Variants in UNC5D observed in about 807,000 individuals in gnomAD.
UNC5D encodes the protein netrin receptor UNC5D.
In UNC5D, 39 loss-of-function variants were observed where a neutral mutation model predicts 105.4. The ratio of observed to expected loss-of-function variants is 0.37; its 90% CI spans 0.29 to 0.48. The LOEUF (loss-of-function observed/expected upper bound fraction) is 0.48. Among genes scored for constraint, UNC5D ranks in the 20% least tolerant of loss-of-function variants. The pLI, the probability that UNC5D is intolerant of heterozygous loss-of-function variation, is 0.98. For synonymous variants in UNC5D, 452 were observed against 450.4 expected, an observed-to-expected ratio of 1.00 and a Z score of -0.04; for missense variants, 991 against 1,202.4, an observed-to-expected ratio of 0.82 and a Z score of 2.60.
At chr8:35,732,550 C>A (rs926237299) in intron 11 of UNC5D, among the ~76,000 whole-genome samples, 1 of 152,112 alleles carries the variant, frequency 6.6e-6, no homozygotes. Flanking sequence ...ATGGAAGTCA[C>A]CCCTTTTTTA....
intron 1 of UNC5D, among the ~76,000 whole-genome samples, chr8:35,534,434 T>G (rs1391243063): frequency 6.6e-6 from 1 of 152,014 alleles, no homozygotes; most frequent in Non-Finnish European, 1.5e-5. Flanking sequence ...TAATGTGACA[T>G]CCACTATAAA....
rs1802404173 is a variant in UNC5D, at chr8:35,235,598, C to T, written c.-187C>T. On this transcript the variant is annotated 5_prime_UTR_variant, in exon 1 of 17. Transcript: ENST00000404895. ...CCGTGGGAAGCTATGGGGACGCGCCCTTTCTCGGGGTGCCCATTCAGCGGC... is the reference window on the plus strand; with the variant it reads ...CCGTGGGAAGCTATGGGGACGCGCCTTTTCTCGGGGTGCCCATTCAGCGGC... 4.7e-6 allele frequency: 2 copies of T among 421,406 alleles called. No homozygotes were observed. The highest frequency in any genetic ancestry group is 4.1e-5 in the African/African-American group (2 of 48,662). The allele number at this position is 421,406 out of a possible 1,614,324, so 26.1% of individuals were successfully genotyped here.
chr8:35,246,934 A>G (rs530715509), intron 1 of UNC5D, among the ~76,000 whole-genome samples: 1 of 152,148 alleles, frequency 6.6e-6, no homozygotes, highest in African/African-American at 2.4e-5. Flanking sequence ...AAAAACAATC[A>G]TAAAATTACA....
chr8:35,786,596 G>A (rs556599920), intron 16 of UNC5D, among the ~76,000 whole-genome samples: 4 of 152,198 alleles, frequency 2.6e-5, no homozygotes, highest in African/African-American at 9.6e-5. Context: ...CTGTTATTGC[G>A]TTTTTATGCC....
chr8:35,613,270 T>C (rs1179762714), intron 4 of UNC5D, among the ~76,000 whole-genome samples: 1 of 152,164 alleles, frequency 6.6e-6, no homozygotes, highest in Non-Finnish European at 1.5e-5. Flanking sequence ...AGGTGAGGTT[T>C]TGTCATGTTG....
intron 1 of UNC5D, among the ~76,000 whole-genome samples, chr8:35,338,325 C>G (rs914325331): frequency 6.6e-6 from 1 of 151,932 alleles, no homozygotes; most frequent in African/African-American, 2.4e-5. Flanking sequence ...TAATAACAAT[C>G]GAGAAATGTG....
At chr8:35,355,125 C>T (rs564143553) in intron 1 of UNC5D, among the ~76,000 whole-genome samples, 2 of 152,064 alleles carry the variant, frequency 1.3e-5, no homozygotes, top group Non-Finnish European at 2.9e-5. Flanking sequence ...TACCCAGATT[C>T]GTTGTGGCAG....
At chr8:35,467,865 G>A (rs1809425127) in intron 1 of UNC5D, among the ~76,000 whole-genome samples, 1 of 152,090 alleles carries the variant, frequency 6.6e-6, no homozygotes, top group Non-Finnish European at 1.5e-5. Context: ...ACTTTTTAGT[G>A]GGAGATTGTT....
intron 1 of UNC5D, among the ~76,000 whole-genome samples, chr8:35,433,847 CAAAAAA>C (rs35220872): frequency 1.7e-4 from 15 of 86,608 alleles, no homozygotes; most frequent in Middle Eastern, 0.016. Context: ...GACCCTGTCT[CAAAAAA>C]AAAAAAAAGA....
intron 6 of UNC5D, among the ~76,000 whole-genome samples, chr8:35,684,986 G>A (rs576237601): frequency 1.4e-4 from 21 of 152,250 alleles, no homozygotes; most frequent in South Asian, 6.2e-4. Flanking sequence ...AACATTCATC[G>A]TCAATAAGCC....
At chr8:35,612,652 G>A (rs1229855642) in intron 4 of UNC5D, among the ~76,000 whole-genome samples, 2 of 143,706 alleles carry the variant, frequency 1.4e-5, no homozygotes, top group Non-Finnish European at 3.0e-5. Flanking sequence ...AAAAATGAAA[G>A]AAGAAGGAAC....
chr8:35,602,394 C>G (rs927141892), intron 4 of UNC5D, among the ~76,000 whole-genome samples: 1 of 152,138 alleles, frequency 6.6e-6, no homozygotes, highest in African/African-American at 2.4e-5. Context: ...CTCCTTGTAC[C>G]TCTGGTAGAA....
intron 1 of UNC5D, among the ~76,000 whole-genome samples, chr8:35,384,574 C>T (rs1435564067): frequency 6.6e-6 from 1 of 152,160 alleles, no homozygotes; most frequent in Non-Finnish European, 1.5e-5. Flanking sequence ...CCCTTATGGC[C>T]TCCTAATGAA....
chr8:35,620,915 C>G (rs1209242809), intron 4 of UNC5D, among the ~76,000 whole-genome samples: 1 of 152,088 alleles, frequency 6.6e-6, no homozygotes, highest in Non-Finnish European at 1.5e-5. Flanking sequence ...CTTGGAGAAG[C>G]GTAAGATAGA....
At position 35,705,958 on chromosome 8, in the gene UNC5D, C is replaced by G; in HGVS notation, c.1114C>G (p.Gln372Glu). ...AAAACCTCTTCATGAAATAAAACCC[C>G]AAAGTAAGTTATTTTTCCTCTTGTG... ...DKKPLHEIKP[Q>E]SIENASDIAL... Residue 372 changes from glutamine to glutamate, a missense_variant, in exon 8 of 17, where the codon CAA becomes GAA. Gln to Glu is a conservative substitution (Grantham distance 29). Coordinates refer to ENST00000404895, the MANE Select transcript of UNC5D (RefSeq NM_080872.4). 3 of 1,305,056 alleles carry G rather than the reference C, an allele frequency of 2.3e-6. No homozygotes were observed. Among genetic ancestry groups the G allele is most frequent in the Non-Finnish European group, 3.2e-6 (3 of 928,750 alleles). The allele number at this position is 1,305,056 out of a possible 1,614,324, so 80.8% of individuals were successfully genotyped here.
At chr8:35,618,589 G>C (rs950263888) in intron 4 of UNC5D, among the ~76,000 whole-genome samples, 1 of 152,198 alleles carries the variant, frequency 6.6e-6, no homozygotes, top group Admixed American at 6.5e-5. Context: ...ATCATGGTTA[G>C]TTACCATACA....
chr8:35,267,810 A>G (rs1804990293), intron 1 of UNC5D, among the ~76,000 whole-genome samples: 1 of 152,194 alleles, frequency 6.6e-6, no homozygotes, highest in Non-Finnish European at 1.5e-5. Context: ...AGAACTGTCA[A>G]ACATCAAAAT....
intron 1 of UNC5D, among the ~76,000 whole-genome samples, chr8:35,260,784 G>T (rs1804437902): frequency 6.6e-6 from 1 of 152,160 alleles, no homozygotes; most frequent in Non-Finnish European, 1.5e-5. Flanking sequence ...GGAGCGTGTA[G>T]CAGCTGTGAC....
chr8:35,402,671 C>G (rs968161103), intron 1 of UNC5D, among the ~76,000 whole-genome samples: 7 of 152,136 alleles, frequency 4.6e-5, no homozygotes, highest in Admixed American at 3.9e-4. Flanking sequence ...AATGGCTTCT[C>G]ATCCTGGCCT....
Sources: gnomAD v4.1 joint callset for allele counts (sites outside exome capture counted in the v4.1 genomes callset) on GRCh38, gnomAD v4.1.1 for gene constraint, MANE v1.5 for transcripts, NCBI Gene and HGNC (gene_info 2026-07-23, HGNC 2026-07-21) for gene names.